The following RIMBP2 variants were observed in gnomAD, a reference collection of about 807,000 sequenced individuals.
RIMBP2 encodes the protein RIMS-binding protein 2.
RIMBP2 carries 48 observed loss-of-function variants against 118.6 expected under a neutral mutation model. That is an observed-to-expected ratio of 0.40 (90% CI 0.32 to 0.51). RIMBP2 has a LOEUF of 0.51. Ranked by LOEUF, RIMBP2 falls within the 20% of genes least tolerant of loss-of-function variation. The pLI is 0.41. For synonymous variants in RIMBP2, 762 were observed against 742.9 expected (o/e 1.03, Z -0.42); for missense variants, 1,551 against 1,768.3 (o/e 0.88, Z 2.20).
rs1388386445 is a variant in RIMBP2 at position 130,450,727 on chromosome 12, G to A, written c.505-451C>T. ...CAGGAATTAGACCACATCACCCCCTGCCTTAACAGCTTTCAGTGGCTTCAC... is the reference window on the plus strand; with the variant it reads ...CAGGAATTAGACCACATCACCCCCTACCTTAACAGCTTTCAGTGGCTTCAC... On this transcript the variant is annotated intron_variant, in intron 8 of 22. Transcript: ENST00000690449. The surrounding 1 kb of genome is among the most constrained non-coding windows in gnomAD (Gnocchi z 4.8). Among the ~76,000 whole-genome samples, 1 of 150,110 alleles carries A rather than the reference G, an allele frequency of 6.7e-6. No individual in the cohort carries two copies. The highest frequency in any genetic ancestry group is 3.3e-3 in the Middle Eastern group (1 of 304).
At chr12:130,547,020 T>G (rs2055247534) in intron 2 of RIMBP2, among the ~76,000 whole-genome samples, 1 of 152,184 alleles carries the variant, frequency 6.6e-6, no homozygotes, top group Admixed American at 6.5e-5. Flanking sequence ...GTTGTTATCA[T>G]TGCTGTTGTA....
chr12:130,579,475 C>A (rs568508953), intron 2 of RIMBP2, among the ~76,000 whole-genome samples: 10 of 152,236 alleles, frequency 6.6e-5, no homozygotes, highest in African/African-American at 2.4e-4. Flanking sequence ...CTCTTGGGAG[C>A]GTGTGTCTGG....
At chr12:130,546,688 C>T (rs7969942) in intron 2 of RIMBP2, among the ~76,000 whole-genome samples, 10 of 152,184 alleles carry the variant, frequency 6.6e-5, no homozygotes, top group African/African-American at 2.4e-4. Context: ...AACGAAATCT[C>T]CCATGTCTAG....
At position 130,438,407 on chromosome 12, in the gene RIMBP2, G is replaced by A. The variant is rs554565101; in HGVS notation, c.1614C>T (p.Gly538=). ...ACACGCCGTAGCCGGTAACGTTTGC[G>A]CCATTGGACAGCCCGGTGGGCGTCA... is the stretch of plus-strand genomic sequence containing the variant. ...PVLTPTGLSN[G]ANVTGYGVYA... Residue 538 remains glycine (G), a synonymous_variant, in exon 12 of 23, where the codon GGC becomes GGT. Transcript: ENST00000690449. 1.8e-5 allele frequency: 29 copies of A among 1,612,640 alleles called. No homozygotes were observed. The highest frequency in any genetic ancestry group is 1.7e-4 in the Middle Eastern group (1 of 6,048).
chr12:130,497,864 G>A (rs1048308966), intron 4 of RIMBP2, among the ~76,000 whole-genome samples: 2 of 152,192 alleles, frequency 1.3e-5, no homozygotes, highest in African/African-American at 2.4e-5. Context: ...GACTGACTCT[G>A]GGTTAAATGC....
chr12:130,471,578 G>A (rs1170452755), intron 5 of RIMBP2, among the ~76,000 whole-genome samples: 1 of 152,160 alleles, frequency 6.6e-6, no homozygotes, highest in Non-Finnish European at 1.5e-5. Flanking sequence ...CTCCATCTAA[G>A]CCAATGCCCG....
intron 8 of RIMBP2, 110 bp downstream of exon 8, chr12:130,451,085 G>C: frequency 7.9e-7 from 1 of 1,269,040 alleles, no homozygotes. Context: ...CCAACCAGAA[G>C]GAAGACAGGG....
Position 130,654,728 on chromosome 12 carries a change from A to G in RIMBP2, c.-351-26272T>C, listed in dbSNP as rs150304242. 5.9e-3 allele frequency among the ~76,000 whole-genome samples: 898 copies of G among 152,316 alleles called. 4 individuals are homozygous for G. Among genetic ancestry groups the G allele is most frequent in the Non-Finnish European group, 7.4e-3 (505 of 68,022 alleles). Reference sequence around the variant, plus strand: ...TGAGGCTGGGTAATTTATAAGGAAAACAGACTTGATTGGCTCATGGTTCTG... The same window carrying G: ...TGAGGCTGGGTAATTTATAAGGAAAGCAGACTTGATTGGCTCATGGTTCTG... On this transcript the variant is annotated intron_variant, in intron 1 of 22. Coordinates refer to ENST00000690449, the MANE Select transcript of RIMBP2 (RefSeq NM_001393629.1).
At chr12:130,440,150 G>A (rs2077998243) in intron 11 of RIMBP2, among the ~76,000 whole-genome samples, 1 of 113,004 alleles carries the variant, frequency 8.8e-6, no homozygotes, top group African/African-American at 3.6e-5. Flanking sequence ...CCCCGGGCAT[G>A]GCTAACCCTG....
rs534337872 is a variant in RIMBP2 at position 130,487,185 on chromosome 12, C to T, written c.-3-8169G>A. Among the ~76,000 whole-genome samples, 601 of 152,330 alleles carry T rather than the reference C, an allele frequency of 3.9e-3. 3 individuals carry two copies. Among genetic ancestry groups the T allele is most frequent in the Middle Eastern group, 0.01 (3 of 294 alleles). Reference sequence around the variant, plus strand: ...TCTTAGCGAGTGCCATTCCTGCTGTCCGACATGCTTGTCCCTGCATCACCA... The same window carrying T: ...TCTTAGCGAGTGCCATTCCTGCTGTTCGACATGCTTGTCCCTGCATCACCA... On this transcript the variant is annotated intron_variant, in intron 4 of 22. Transcript: ENST00000690449.
chr12:130,645,159 G>A (rs2062802058), intron 1 of RIMBP2, among the ~76,000 whole-genome samples: 1 of 150,042 alleles, frequency 6.7e-6, no homozygotes, highest in South Asian at 2.1e-4. Context: ...GCGCAATCTT[G>A]GCTCACTGCA....
chr12:130,494,244 G>C (rs146656428), intron 4 of RIMBP2, among the ~76,000 whole-genome samples: 1 of 152,252 alleles, frequency 6.6e-6, no homozygotes, highest in East Asian at 1.9e-4. Context: ...ACCCCAGCAA[G>C]CATCAGGCCT....
chr12:130,513,652 C>T (rs1052622397), intron 3 of RIMBP2, among the ~76,000 whole-genome samples: 3 of 152,198 alleles, frequency 2.0e-5, no homozygotes, highest in East Asian at 1.9e-4. Context: ...GATCCCAGCT[C>T]ATCGGTTTCC....
rs1402138240 is a variant in RIMBP2 at position 130,584,231 on chromosome 12, TCAC to T, written c.-217+44088_-217+44090del. Among the ~76,000 whole-genome samples the T allele has an allele frequency of 1.3e-3, 40 of 29,728 alleles. 1 individual carries two copies. The highest frequency in any genetic ancestry group is 3.1e-3 in the Admixed American group (6 of 1,914). 19.5% of individuals were successfully genotyped at this position (29,728 alleles called of 152,430 possible). ...CCATCACCTCACCACCACCATCACT[TCAC>T]CACCACCATCACCATCACCTCACCA... On this transcript the variant is annotated intron_variant, in intron 2 of 22. Transcript: ENST00000690449.
At chr12:130,417,449 T>C (rs1045200109) in intron 17 of RIMBP2, among the ~76,000 whole-genome samples, 11 of 152,110 alleles carry the variant, frequency 7.2e-5, no homozygotes, top group Admixed American at 2.6e-4. Context: ...CTGGAGGCCA[T>C]CATCCCAAGA....
chr12:130,512,487 C>T (rs1276802204), intron 3 of RIMBP2, among the ~76,000 whole-genome samples: 1 of 152,096 alleles, frequency 6.6e-6, no homozygotes, highest in Non-Finnish European at 1.5e-5. Context: ...CATGCCCAGC[C>T]AATTTTTGTA....
At chr12:130,586,726 T>G (rs2058908896) in intron 2 of RIMBP2, among the ~76,000 whole-genome samples, 1 of 121,900 alleles carries the variant, frequency 8.2e-6, no homozygotes, top group Non-Finnish European at 1.7e-5. Flanking sequence ...ATAAAAACCC[T>G]AGAAGAAAAC....
chr12:130,493,860 C>T (rs2048877165), intron 4 of RIMBP2, among the ~76,000 whole-genome samples: 2 of 152,116 alleles, frequency 1.3e-5, no homozygotes, highest in Non-Finnish European at 2.9e-5. Flanking sequence ...AGAAAAACAG[C>T]CTGGTCTAGC....
intron 1 of RIMBP2, among the ~76,000 whole-genome samples, chr12:130,691,340 G>A (rs2065297806): frequency 6.6e-6 from 1 of 152,192 alleles, no homozygotes; most frequent in Non-Finnish European, 1.5e-5. Flanking sequence ...GGTGGCTGTA[G>A]CCCCTTCTAC....
Sources: allele counts gnomAD v4.1 joint callset (sites outside exome capture counted in the v4.1 genomes callset), GRCh38; gene constraint gnomAD v4.1.1; non-coding constraint Gnocchi (gnomAD v3.1); transcripts MANE v1.5; gene names NCBI Gene and HGNC (gene_info 2026-07-23, HGNC 2026-07-21).